ARHGEF10: variants seen among roughly 807,000 people sequenced by gnomAD.
ARHGEF10 encodes Rho guanine nucleotide exchange factor (GEF) 10.
ARHGEF10 carries 140 observed loss-of-function variants against 147.4 expected under a neutral mutation model. The observed-to-expected ratio is 0.95, with a 90% CI of 0.83 to 1.09. The LOEUF (loss-of-function observed/expected upper bound fraction) is 1.09, where lower values mean the gene tolerates loss of function less well. Ranked by LOEUF, ARHGEF10 falls within the 50% of genes least tolerant of loss-of-function variation. The probability of loss-of-function intolerance (pLI) is 0.00; values close to 1 mark genes in which losing one functional copy is unlikely to be tolerated. For synonymous variants in ARHGEF10, 902 were observed against 695.8 expected, an observed-to-expected ratio of 1.30 and a Z score of -4.67; for missense variants, 2,222 against 1,752.7, an observed-to-expected ratio of 1.27 and a Z score of -4.78.
At chr8:1,876,506 C>A in intron 7 of ARHGEF10, 65 bp from the exon 8 acceptor site, 1 of 1,513,424 alleles carries the variant, frequency 6.6e-7, no homozygotes, top group Non-Finnish European at 9.2e-7. Context: ...AAACCACAAA[C>A]AGGCACAAAA....
chr8:1,858,206 TCCCAGGTGAGTCCCCAGGTGAGTC>T (rs1182370468), intron 3 of ARHGEF10, 91 bp downstream of exon 3: 14 of 1,024,056 alleles, frequency 1.4e-5, no homozygotes, highest in African/African-American at 2.2e-5. Context: ...CCAGGTGAGT[TCCCAGGTGAGTCCCCAGGTGAGTC>T]CCCAGGTGGG....
chr8:1,826,595 C>T (rs999501157), intron 1 of ARHGEF10, among the ~76,000 whole-genome samples: 4 of 151,972 alleles, frequency 2.6e-5, no homozygotes, highest in African/African-American at 9.7e-5. Flanking sequence ...TGCTAGAAGG[C>T]GTTGTATGGG....
rs1585217159 is a variant in ARHGEF10 at position 1,836,959 on chromosome 8, T to A, written c.-47-6394T>A. On this transcript the variant is annotated intron_variant, in intron 1 of 28. Coordinates refer to ENST00000349830, the MANE Select transcript of ARHGEF10 (RefSeq NM_014629.4). ...AAGAAGTGCCTTTCACCTCCCACAA[T>A]GATTCTGAGGCCTCCCCAGCCATGT... Among the ~76,000 whole-genome samples, 3 of 152,336 alleles carry A rather than the reference T, an allele frequency of 2.0e-5. No individual in the cohort carries two copies. In the South Asian group the frequency reaches 6.2e-4, roughly 32 times the overall value.
At chr8:1,945,153 G>T (rs1291417109) in intron 26 of ARHGEF10, among the ~76,000 whole-genome samples, 1 of 152,200 alleles carries the variant, frequency 6.6e-6, no homozygotes, top group African/African-American at 2.4e-5. Flanking sequence ...GTTCTGATGG[G>T]CCTGGGGGGA....
chr8:1,879,797 C>G (rs1808025246), intron 8 of ARHGEF10, among the ~76,000 whole-genome samples: 1 of 152,084 alleles, frequency 6.6e-6, no homozygotes, highest in African/African-American at 2.4e-5. Flanking sequence ...AATTGATCCT[C>G]CCACCTCCGC....
At chr8:1,841,315 C>T (rs190418678) in intron 1 of ARHGEF10, among the ~76,000 whole-genome samples, 1 of 152,342 alleles carries the variant, frequency 6.6e-6, no homozygotes. Context: ...GCCTGCAGCC[C>T]AGGAGCCTGG....
At chr8:1,894,091 T>G (rs1157804877) in intron 12 of ARHGEF10, among the ~76,000 whole-genome samples, 1 of 152,022 alleles carries the variant, frequency 6.6e-6, no homozygotes, top group South Asian at 2.1e-4. Flanking sequence ...GGAGAATTGC[T>G]TGAACCCGGG....
chr8:1,921,873 G>T (rs1399880492), intron 18 of ARHGEF10, among the ~76,000 whole-genome samples: 1 of 152,152 alleles, frequency 6.6e-6, no homozygotes, highest in Non-Finnish European at 1.5e-5. Flanking sequence ...TGAAACACAA[G>T]GCACTTTACT....
At chr8:1,922,525 A>T (rs1010444328) in intron 18 of ARHGEF10, among the ~76,000 whole-genome samples, 5 of 152,326 alleles carry the variant, frequency 3.3e-5, no homozygotes, top group Middle Eastern at 3.4e-3. Context: ...AAACTCCCCC[A>T]GACTGGAGGA....
intron 12 of ARHGEF10, 21 bp downstream of exon 12, chr8:1,893,667 A>G (rs571004371): frequency 1.3e-6 from 2 of 1,489,646 alleles, no homozygotes; most frequent in South Asian, 1.1e-5. Context: ...GTCGTGTTAC[A>G]TAATACATAC....
chr8:1,878,533 C>G (rs1807903242), intron 8 of ARHGEF10, among the ~76,000 whole-genome samples: 1 of 152,180 alleles, frequency 6.6e-6, no homozygotes, highest in Non-Finnish European at 1.5e-5. Flanking sequence ...ATTTCGCTTG[C>G]TGTAGCTGAG....
chr8:1,854,889 T>C (rs1805433675), intron 2 of ARHGEF10, among the ~76,000 whole-genome samples: 1 of 151,954 alleles, frequency 6.6e-6, no homozygotes. Flanking sequence ...ATGCGGTTCT[T>C]CTCAGGGTCA....
intron 18 of ARHGEF10, among the ~76,000 whole-genome samples, chr8:1,921,157 C>G (rs1030230852): frequency 6.6e-6 from 1 of 152,164 alleles, no homozygotes; most frequent in Admixed American, 6.5e-5. Context: ...ATAGTTGATA[C>G]AAATCAGGCT....
chr8:1,831,268 A>G (rs1156264165), intron 1 of ARHGEF10, among the ~76,000 whole-genome samples: 1 of 132,086 alleles, frequency 7.6e-6, no homozygotes, highest in Non-Finnish European at 1.6e-5. Context: ...GCAGCCGTGG[A>G]GGGACAGTGT....
intron 15 of ARHGEF10, among the ~76,000 whole-genome samples, chr8:1,902,724 G>T (rs1031306542): frequency 2.6e-4 from 40 of 152,172 alleles, no homozygotes; most frequent in African/African-American, 9.7e-4. Context: ...GCATTCGGTG[G>T]GTTCGGATGA....
At position 1,926,360 on chromosome 8, in the gene ARHGEF10, A is replaced by G. The variant is rs765851181; in HGVS notation, c.2611-17A>G. ...GCTCTGTTTTATATGTGAGCGTTTG[A>G]TTTTATTCCATTTTAGATTGAATGT... On this transcript the variant is annotated splice_polypyrimidine_tract_variant and intron_variant, in intron 22 of 28. Coordinates refer to ENST00000349830, the MANE Select transcript of ARHGEF10 (RefSeq NM_014629.4). The G allele has an allele frequency of 5.0e-6, 8 of 1,607,354 alleles. No individual in the cohort carries two copies. The East Asian group carries it at 1.8e-4, about 36-fold the overall frequency.
chr8:1,827,402 A>G (rs1802833016), intron 1 of ARHGEF10, among the ~76,000 whole-genome samples: 1 of 152,104 alleles, frequency 6.6e-6, no homozygotes, highest in South Asian at 2.1e-4. Flanking sequence ...TTTGCTTCCC[A>G]GGTTCAAGCA....
rs73180709 is a variant in ARHGEF10, at chr8:1,863,904, C to T, written c.482-469C>T. Among the ~76,000 whole-genome samples the T allele has an allele frequency of 4.3e-3, 658 of 151,790 alleles. 5 individuals are homozygous for T. The highest frequency in any genetic ancestry group is 6.7e-3 in the Non-Finnish European group (458 of 67,978). On this transcript the variant is annotated intron_variant, in intron 4 of 28. Transcript: ENST00000349830. ...GAAAGCTGGTGTCACATGTCACAAGCGTAACCACTCCTCTCTTGAACATCT... is the reference window on the plus strand; with the variant it reads ...GAAAGCTGGTGTCACATGTCACAAGTGTAACCACTCCTCTCTTGAACATCT...
intron 9 of ARHGEF10, 36 bp from the exon 10 acceptor site, chr8:1,882,599 C>G: frequency 6.6e-7 from 1 of 1,525,588 alleles, no homozygotes. Context: ...TGGGTTCTGC[C>G]GCCGTCCCGT....
Sources: gnomAD v4.1 joint callset for allele counts (sites outside exome capture counted in the v4.1 genomes callset) on GRCh38, gnomAD v4.1.1 for gene constraint, MANE v1.5 for transcripts, NCBI Gene and HGNC (gene_info 2026-07-23, HGNC 2026-07-21) for gene names.